The following PSMB2 variants were observed in gnomAD, a reference collection of about 807,000 sequenced individuals.
The protein encoded by PSMB2 is proteasome subunit beta type-2.
PSMB2 carries 13 observed loss-of-function variants against 25.7 expected under a neutral mutation model. The ratio of observed to expected loss-of-function variants is 0.51; its 90% CI spans 0.33 to 0.80. PSMB2 has a LOEUF of 0.80. Among genes scored for constraint, PSMB2 ranks in the 30% least tolerant of loss-of-function variants. PSMB2 has a pLI of 0.02. For missense variants in PSMB2, 202 were observed against 259.0 expected, an observed-to-expected ratio of 0.78 and a Z score of 1.51; for synonymous variants, 87 against 96.2, an observed-to-expected ratio of 0.90 and a Z score of 0.56.
At chr1:35,622,280 C>A (rs1328471416) in intron 3 of PSMB2, among the ~76,000 whole-genome samples, 1 of 152,122 alleles carries the variant, frequency 6.6e-6, no homozygotes, top group East Asian at 1.9e-4. Context: ...GTGTTTGTAT[C>A]TGTGAGTATG....
chr1:35,609,462 T>G, intron 3 of PSMB2, 54 bp from the exon 4 acceptor site: 124 of 1,334,592 alleles, frequency 9.3e-5, no homozygotes, highest in Non-Finnish European at 1.1e-4. Context: ...CCAACATCTC[T>G]TCCCATGGCA....
chr1:35,613,376 G>A (rs890967010), intron 3 of PSMB2, among the ~76,000 whole-genome samples: 1 of 149,534 alleles, frequency 6.7e-6, no homozygotes, highest in Non-Finnish European at 1.5e-5. Flanking sequence ...TGTCTCTATG[G>A]GAAAAAAAAA....
chr1:35,624,755 A>AAAAAAC (rs1396887490), intron 3 of PSMB2, among the ~76,000 whole-genome samples: 9 of 151,920 alleles, frequency 5.9e-5, no homozygotes, highest in Admixed American at 5.3e-4. Context: ...TCTGTCTCAA[A>AAAAAAC]AAAAACAAAA....
intron 3 of PSMB2, among the ~76,000 whole-genome samples, chr1:35,618,533 T>TG (rs899072793): frequency 3.8e-5 from 5 of 130,796 alleles, no homozygotes; most frequent in Non-Finnish European, 8.1e-5. Context: ...ACATATGTGG[T>TG]GGGGGGTGGG....
At chr1:35,611,378 T>C (rs935065263) in intron 3 of PSMB2, among the ~76,000 whole-genome samples, 1 of 152,182 alleles carries the variant, frequency 6.6e-6, no homozygotes, top group African/African-American at 2.4e-5. Flanking sequence ...GCTTTTGTTC[T>C]GTCGCCCAGG....
chr1:35,607,718 CATT>C (rs953577432), intron 4 of PSMB2, among the ~76,000 whole-genome samples: 2 of 152,090 alleles, frequency 1.3e-5, no homozygotes, highest in African/African-American at 4.8e-5. Flanking sequence ...TGGATGAAAT[CATT>C]ATATCACTGG....
chr1:35,628,592 AAAAAATAT>A (rs1245589218), intron 3 of PSMB2, among the ~76,000 whole-genome samples: 24 of 19,082 alleles, frequency 1.3e-3, no homozygotes, highest in South Asian at 4.4e-3. Context: ...AAAAAAAAAA[AAAAAATAT>A]ATATATATAT....
chr1:35,633,547 G>T (rs1269555503), intron 2 of PSMB2, among the ~76,000 whole-genome samples: 1 of 152,164 alleles, frequency 6.6e-6, no homozygotes, highest in East Asian at 1.9e-4. Flanking sequence ...AACAACTCTT[G>T]CTACTCTTGT....
In PSMB2 at chr1:35,600,955, T is replaced by C; in HGVS notation, c.*2312A>G. 1.0e-6 allele frequency: 1 copy of C among 984,784 alleles called. No homozygotes were observed. The highest frequency in any genetic ancestry group is 1.2e-6 in the Non-Finnish European group (1 of 829,630). The allele number at this position is 984,784 out of a possible 1,614,324, so 61.0% of individuals were successfully genotyped here. A position where few individuals can be genotyped will look rare whatever the true frequency, so the allele number is the denominator to read the frequency against. ...TCTCATATCTACCACATAGAATAGG[T>C]GCTATTTCAGTCATTGTACAGATGG... is the stretch of plus-strand genomic sequence containing the variant. On this transcript the variant is annotated 3_prime_UTR_variant, in exon 6 of 6. Coordinates refer to ENST00000373237, the MANE Select transcript of PSMB2 (RefSeq NM_002794.5).
intron 2 of PSMB2, among the ~76,000 whole-genome samples, chr1:35,634,953 A>G (rs1651203745): frequency 1.3e-5 from 2 of 152,052 alleles, no homozygotes; most frequent in South Asian, 4.1e-4. Context: ...ACACTCAGCT[A>G]ATTTTTAAAA....
chr1:35,633,548 C>T (rs867259752), intron 2 of PSMB2, among the ~76,000 whole-genome samples: 17 of 152,200 alleles, frequency 1.1e-4, no homozygotes, highest in Admixed American at 3.9e-4. Context: ...ACAACTCTTG[C>T]TACTCTTGTT....
chr1:35,601,611 A>G lies in PSMB2; in HGVS notation c.*1656T>C. On this transcript the variant is annotated 3_prime_UTR_variant, in exon 6 of 6. Transcript: ENST00000373237. ...ATGTTAACCCAATACTTTAATATGA[A>G]CGTTATGATCAGTAGGTAGTATCTT... The G allele has an allele frequency of 2.0e-6, 2 of 985,248 alleles. No individual in the cohort carries two copies. Among genetic ancestry groups the G allele is most frequent in the African/African-American group, 3.5e-5 (2 of 57,354 alleles). The allele number at this position is 985,248 out of a possible 1,614,324, so 61.0% of individuals were successfully genotyped here.
chr1:35,617,764 T>C (rs1235383676), intron 3 of PSMB2, among the ~76,000 whole-genome samples: 2 of 152,158 alleles, frequency 1.3e-5, no homozygotes, highest in African/African-American at 4.8e-5. Flanking sequence ...ACCTGGAGAA[T>C]TAGGTGACTT....
At chr1:35,619,558 C>G (rs1650615584) in intron 3 of PSMB2, among the ~76,000 whole-genome samples, 1 of 152,098 alleles carries the variant, frequency 6.6e-6, no homozygotes, top group African/African-American at 2.4e-5. Flanking sequence ...AGAAGACTTG[C>G]TAAGTAGTAG....
At chr1:35,626,179 C>CT in intron 3 of PSMB2, among the ~76,000 whole-genome samples, 1 of 152,254 alleles carries the variant, frequency 6.6e-6, no homozygotes, top group African/African-American at 2.4e-5. Context: ...CCTTTTTCTG[C>CT]TCTTTGGGGT....
chr1:35,603,088 A>G lies in PSMB2; in HGVS notation c.*179T>C. On this transcript the variant is annotated 3_prime_UTR_variant, in exon 6 of 6. Coordinates refer to ENST00000373237, the MANE Select transcript of PSMB2 (RefSeq NM_002794.5). ...CTGGCAAAAAGATCATCTTCCCTCC[A>G]TATCCTTTCTGAGGTAATATTAGGT... 7.2e-7 allele frequency: 1 copy of G among 1,388,194 alleles called. No homozygotes were observed. Among genetic ancestry groups the G allele is most frequent in the Non-Finnish European group, 9.3e-7 (1 of 1,072,090 alleles). The allele number at this position is 1,388,194 out of a possible 1,614,324, so 86.0% of individuals were successfully genotyped here.
intron 5 of PSMB2, among the ~76,000 whole-genome samples, chr1:35,603,593 G>A (rs577996659): frequency 2.0e-5 from 3 of 152,276 alleles, no homozygotes; most frequent in Admixed American, 2.0e-4. Flanking sequence ...AGGCTGAACT[G>A]GGAGGTGCAA....
Position 35,605,218 on chromosome 1 carries a change from A to G in PSMB2, c.498+15T>C, listed in dbSNP as rs946585252. ...AGACAAACATTCCTTTCAGGATCCT[A>G]TGGGAACTACTCACCTCCTCCAGAC... On this transcript the variant is annotated intron_variant, in intron 5 of 5. Coordinates refer to ENST00000373237, the MANE Select transcript of PSMB2 (RefSeq NM_002794.5). The G allele has an allele frequency of 1.9e-6, 3 of 1,602,458 alleles. No individual in the cohort carries two copies. Among genetic ancestry groups the G allele is most frequent in the Non-Finnish European group, 1.7e-6 (2 of 1,173,084 alleles).
chr1:35,609,425 T>G lies in PSMB2; in HGVS notation c.286-17A>C. ...ATATGGGGTCTGCAAAGAAAAGATA[T>G]GGCAAAGTGATAACTAAAGCAGAAC... On this transcript the variant is annotated splice_polypyrimidine_tract_variant and intron_variant, in intron 3 of 5. Transcript: ENST00000373237. The G allele has an allele frequency of 6.7e-7, 1 of 1,486,300 alleles. No homozygotes were observed. The highest frequency in any genetic ancestry group is 9.0e-7 in the Non-Finnish European group (1 of 1,108,518). 92.1% of individuals were successfully genotyped at this position (1,486,300 alleles called of 1,614,324 possible).
Sources: allele counts gnomAD v4.1 joint callset (sites outside exome capture counted in the v4.1 genomes callset), GRCh38; gene constraint gnomAD v4.1.1; transcripts MANE v1.5; gene names NCBI Gene and HGNC (gene_info 2026-07-23, HGNC 2026-07-21).